Variants in DHCR24 observed in about 807,000 individuals in gnomAD.
The protein encoded by DHCR24 is delta(24)-sterol reductase.
Under a neutral mutation model 61.2 loss-of-function variants are expected in DHCR24, and 28 were observed. That is an observed-to-expected ratio of 0.46 (90% CI 0.34 to 0.63). DHCR24 has a LOEUF of 0.63. Ranked by LOEUF, DHCR24 falls within the 20% of genes least tolerant of loss-of-function variation. The pLI, the probability that DHCR24 is intolerant of heterozygous loss-of-function variation, is 0.01. For missense variants in DHCR24, 538 were observed against 679.1 expected (o/e 0.79, Z 2.31); for synonymous variants, 261 against 275.9 (o/e 0.95, Z 0.54).
chr1:54,864,557 A>G, intron 6 of DHCR24, among the ~76,000 whole-genome samples: 1 of 152,204 alleles, frequency 6.6e-6, no homozygotes, highest in East Asian at 1.9e-4. Context: ...TGGCTGCTTA[A>G]TGGGTATAGG....
chr1:54,869,258 G>A (rs1240717488), intron 5 of DHCR24, among the ~76,000 whole-genome samples: 1 of 152,176 alleles, frequency 6.6e-6, no homozygotes, highest in Non-Finnish European at 1.5e-5. Flanking sequence ...TTTAGTGTTG[G>A]CAAGAATGTA....
At chr1:54,863,740 A>C (rs182341679) in intron 6 of DHCR24, among the ~76,000 whole-genome samples, 169 of 152,354 alleles carry the variant, frequency 1.1e-3, no homozygotes, top group African/African-American at 3.9e-3. Context: ...GCATCAAAGG[A>C]CGTTACCAAG....
rs747036928 is a variant in DHCR24 at position 54,873,359 on chromosome 1, CATA to C, written c.612+1731_612+1733del. Among the ~76,000 whole-genome samples, 35 of 152,326 alleles carry C rather than the reference CATA, an allele frequency of 2.3e-4. No homozygotes were observed. The Middle Eastern group carries it at 0.014, about 59-fold the overall frequency. On this transcript the variant is annotated intron_variant, in intron 4 of 8. Coordinates refer to ENST00000371269, the MANE Select transcript of DHCR24 (RefSeq NM_014762.4). ...ATAGCACATATAATTATGTACACTACATAATACTTGATAATGATAAATGACTCT... is the reference window on the plus strand; with the variant it reads ...ATAGCACATATAATTATGTACACTACATACTTGATAATGATAAATGACTCT...
chr1:54,854,025 T>C lies in DHCR24; in HGVS notation c.1218+12A>G. 6.2e-7 allele frequency: 1 copy of C among 1,609,574 alleles called. No individual in the cohort carries two copies. The highest frequency in any genetic ancestry group is 8.5e-7 in the Non-Finnish European group (1 of 1,178,504). ...TGCACCTGGTGCGCCCTCCCTGCCCTGCCCCACTCACGTGGATGTCGTTTT... is the reference window on the plus strand; with the variant it reads ...TGCACCTGGTGCGCCCTCCCTGCCCCGCCCCACTCACGTGGATGTCGTTTT... On this transcript the variant is annotated intron_variant, in intron 7 of 8. Transcript: ENST00000371269.
intron 2 of DHCR24, among the ~76,000 whole-genome samples, chr1:54,877,519 T>G (rs1266848240): frequency 6.6e-6 from 1 of 151,542 alleles, no homozygotes; most frequent in Non-Finnish European, 1.5e-5. Context: ...CAAGGTGAGC[T>G]CTGAGGCGGG....
intron 6 of DHCR24, among the ~76,000 whole-genome samples, chr1:54,858,276 A>C (rs956584730): frequency 2.0e-5 from 3 of 152,216 alleles, no homozygotes; most frequent in African/African-American, 7.2e-5. Flanking sequence ...TTGATGGGGC[A>C]GCATTTGGTA....
At chr1:54,879,352 A>AAAAAAAAAACAAAAAAAAAAAAAG in intron 2 of DHCR24, among the ~76,000 whole-genome samples, 1 of 128,162 alleles carries the variant, frequency 7.8e-6, no homozygotes, top group Non-Finnish European at 1.6e-5. Flanking sequence ...AAAAAAAAAA[A>AAAAAAAAAACAAAAAAAAAAAAAG]TCCAAATCAA....
At chr1:54,869,840 G>A (rs1004991956) in intron 5 of DHCR24, among the ~76,000 whole-genome samples, 1 of 152,128 alleles carries the variant, frequency 6.6e-6, no homozygotes, top group Non-Finnish European at 1.5e-5. Context: ...CAGATCACCT[G>A]AGGTCAGGAG....
intron 5 of DHCR24, among the ~76,000 whole-genome samples, 193 bp downstream of exon 5, chr1:54,871,157 G>A (rs779584249): frequency 6.6e-6 from 1 of 152,216 alleles, no homozygotes; most frequent in Non-Finnish European, 1.5e-5. Context: ...GGTAGGGGCA[G>A]AGTAGATGAA....
At chr1:54,861,636 T>A (rs1410142748) in intron 6 of DHCR24, among the ~76,000 whole-genome samples, 2 of 152,048 alleles carry the variant, frequency 1.3e-5, no homozygotes, top group Non-Finnish European at 2.9e-5. Flanking sequence ...TGCCTACACA[T>A]CACACTCCCT....
intron 6 of DHCR24, among the ~76,000 whole-genome samples, chr1:54,855,049 C>A (rs1646899117): frequency 1.3e-5 from 2 of 152,246 alleles, no homozygotes; most frequent in Non-Finnish European, 2.9e-5. Flanking sequence ...CCACTGATGC[C>A]CGATTCTCAC....
chr1:54,881,933 T>C (rs184989869), intron 2 of DHCR24, among the ~76,000 whole-genome samples: 63 of 152,108 alleles, frequency 4.1e-4, no homozygotes, highest in Admixed American at 8.5e-4. Flanking sequence ...TGAGAACACA[T>C]GGACACATAC....
chr1:54,874,239 A>C (rs964286983), intron 4 of DHCR24, among the ~76,000 whole-genome samples: 1 of 152,246 alleles, frequency 6.6e-6, no homozygotes, highest in Non-Finnish European at 1.5e-5. Context: ...AGTGGTGTAC[A>C]GTAATGTCCC....
intron 2 of DHCR24, among the ~76,000 whole-genome samples, chr1:54,882,218 AAAG>A (rs1647067228): frequency 6.6e-6 from 1 of 152,222 alleles, no homozygotes; most frequent in Admixed American, 6.5e-5. Flanking sequence ...AGGCCTCACC[AAAG>A]AAGATATACA....
At chr1:54,875,310 G>C in intron 3 of DHCR24, 99 bp from the exon 4 acceptor site, 1 of 987,528 alleles carries the variant, frequency 1.0e-6, no homozygotes, top group East Asian at 2.4e-5. Context: ...GGGAGGTTTG[G>C]CAGGCTAGCA....
intron 7 of DHCR24, among the ~76,000 whole-genome samples, 176 bp downstream of exon 7, chr1:54,853,861 G>T (rs752633906): frequency 6.6e-6 from 1 of 152,214 alleles, no homozygotes; most frequent in East Asian, 1.9e-4. Context: ...TCTCCCAGGG[G>T]GGCCATCACT....
chr1:54,868,298 A>G (rs894303217), intron 5 of DHCR24, among the ~76,000 whole-genome samples: 2 of 152,000 alleles, frequency 1.3e-5, no homozygotes, highest in Non-Finnish European at 2.9e-5. Flanking sequence ...GTGAAACCCC[A>G]TCTCTACTAA....
At chr1:54,878,674 A>T (rs1647048436) in intron 2 of DHCR24, among the ~76,000 whole-genome samples, 1 of 152,152 alleles carries the variant, frequency 6.6e-6, no homozygotes, top group South Asian at 2.1e-4. Flanking sequence ...CCTCATAATA[A>T]ACTCAAGATT....
chr1:54,873,542 C>T (rs1647010564), intron 4 of DHCR24, among the ~76,000 whole-genome samples: 1 of 152,182 alleles, frequency 6.6e-6, no homozygotes, highest in South Asian at 2.1e-4. Flanking sequence ...GATGACAGCT[C>T]CATGTGTGTT....
Sources: allele counts gnomAD v4.1 joint callset (sites outside exome capture counted in the v4.1 genomes callset), GRCh38; gene constraint gnomAD v4.1.1; transcripts MANE v1.5; gene names NCBI Gene and HGNC (gene_info 2026-07-23, HGNC 2026-07-21).